Variants in MIA2 observed in about 807,000 individuals in gnomAD.
The protein encoded by MIA2 is melanoma inhibitory activity protein 2.
Under a neutral mutation model 167.8 loss-of-function variants are expected in MIA2, and 127 were observed. The observed-to-expected ratio is 0.76, with a 90% CI of 0.66 to 0.88. MIA2 has a LOEUF of 0.88. Ranked by LOEUF, MIA2 falls within the 40% of genes least tolerant of loss-of-function variation. The pLI, the probability that MIA2 is intolerant of heterozygous loss-of-function variation, is 0.00. For synonymous variants in MIA2, 552 were observed against 541.9 expected, an observed-to-expected ratio of 1.02 and a Z score of -0.26; for missense variants, 1,690 against 1,624.7, an observed-to-expected ratio of 1.04 and a Z score of -0.69.
At chr14:39,253,847 AG>A (rs778760850) in intron 6 of MIA2, among the ~76,000 whole-genome samples, 10 of 152,180 alleles carry the variant, frequency 6.6e-5, no homozygotes, top group Non-Finnish European at 1.5e-4. Flanking sequence ...CAAAAGGACT[AG>A]CTGTAGTACT....
chr14:39,357,849 ATTCTT>A (rs1360059944), intron 23 of MIA2, among the ~76,000 whole-genome samples: 2 of 148,186 alleles, frequency 1.3e-5, no homozygotes, highest in African/African-American at 5.1e-5. Flanking sequence ...TGGGTTGAAA[ATTCTT>A]TTCTTTAAGA....
At chr14:39,300,011 G>T (rs763364367) in intron 14 of MIA2, 25 bp downstream of exon 14, 3 of 1,572,860 alleles carry the variant, frequency 1.9e-6, no homozygotes, top group Non-Finnish European at 2.6e-6. Context: ...TGGTTTTAGT[G>T]ATCAAGTTGG....
intron 18 of MIA2, among the ~76,000 whole-genome samples, chr14:39,310,378 A>G (rs1008512553): frequency 2.6e-5 from 4 of 152,178 alleles, no homozygotes; most frequent in African/African-American, 9.7e-5. Flanking sequence ...GAATGCTGTG[A>G]TATGTGTTAT....
chr14:39,269,084 T>TTTTTTC, intron 6 of MIA2: 1 of 949,894 alleles, frequency 1.1e-6, no homozygotes, highest in Non-Finnish European at 1.2e-6. Flanking sequence ...GTTTTTTTTT[T>TTTTTTC]TTTTTTTTTT....
At chr14:39,253,516 C>T (rs1226150124) in intron 6 of MIA2, 2 of 298,380 alleles carry the variant, frequency 6.7e-6, no homozygotes, top group Non-Finnish European at 1.2e-5. Context: ...CCTGGAGTTC[C>T]CACTACTTAG....
intron 6 of MIA2, among the ~76,000 whole-genome samples, chr14:39,271,815 A>T (rs1466545694): frequency 6.6e-6 from 1 of 151,874 alleles, no homozygotes; most frequent in Non-Finnish European, 1.5e-5. Flanking sequence ...CACAACCAAG[A>T]AGAATTAGGC....
At chr14:39,245,081 C>CATTTTTTTTTTTT (rs761421469) in intron 3 of MIA2, among the ~76,000 whole-genome samples, 3 of 119,718 alleles carry the variant, frequency 2.5e-5, no homozygotes, top group Admixed American at 8.8e-5. Context: ...CCTAGCTAAC[C>CATTTTTTTTTTTT]TTTTTTTTTT....
At chr14:39,349,700 A>C (rs1260799653) in intron 28 of MIA2, among the ~76,000 whole-genome samples, 1 of 152,216 alleles carries the variant, frequency 6.6e-6, no homozygotes, top group Non-Finnish European at 1.5e-5. Flanking sequence ...GAAATGTTTT[A>C]GTATAATATC....
In MIA2 at chr14:39,288,468, T is replaced by G. The variant is rs2060208137; in HGVS notation, c.2131-2551T>G. ...ATATATATATATATATATATATATA[T>G]ATATATATTTTTTTTTTTTTTTTTG... is the stretch of plus-strand genomic sequence containing the variant. On this transcript the variant is annotated intron_variant, in intron 9 of 28. Transcript: ENST00000640607. 4.3e-4 allele frequency among the ~76,000 whole-genome samples: 19 copies of G among 44,172 alleles called. 2 individuals carry two copies. Among genetic ancestry groups the G allele is most frequent in the East Asian group, 3.6e-3 (5 of 1,386 alleles). The allele number at this position is 44,172 out of a possible 152,430, so 29.0% of individuals were successfully genotyped here.
chr14:39,317,014 A>G (rs918335086), intron 21 of MIA2, among the ~76,000 whole-genome samples: 1 of 152,176 alleles, frequency 6.6e-6, no homozygotes, highest in Non-Finnish European at 1.5e-5. Context: ...AAGTCTTCTA[A>G]GGTAGATAAA....
chr14:39,348,852 C>G lies in MIA2; in HGVS notation c.3947C>G (p.Ala1316Gly), dbSNP rs2153081525. 6.2e-7 allele frequency: 1 copy of G among 1,614,080 alleles called. No individual in the cohort carries two copies. The highest frequency in any genetic ancestry group is 1.7e-4 in the Middle Eastern group (1 of 6,060). Residue 1316 changes from alanine (A) to glycine (G), a missense_variant, in exon 28 of 29, where the codon GCA becomes GGA. By Grantham distance (60) the Ala-to-Gly change is moderately conservative. Transcript: ENST00000640607. ...AGAGGTCCATTGTTTCCAGTGGATG[C>G]AAGAGGCCCATTCTTGAGAAGAGGA... ...PIRGPLFPVD[A>G]RGPFLRRGPP... is the part of the protein sequence containing the mutation.
rs748564629 is a variant in MIA2, at chr14:39,276,909, G to T, written c.1888-25G>T. ...ATTTTTACCAAAAGTACATTTTTAA[G>T]AACTTACTTTTCTTTATCTTGAAGG... On this transcript the variant is annotated intron_variant, in intron 6 of 28. Transcript: ENST00000640607. 4.4e-6 allele frequency: 7 copies of T among 1,603,904 alleles called. No individual in the cohort carries two copies. The South Asian group carries it at 7.9e-5, about 18-fold the overall frequency.
intron 23 of MIA2, among the ~76,000 whole-genome samples, chr14:39,362,525 G>T (rs960172536): frequency 1.3e-5 from 2 of 152,008 alleles, no homozygotes; most frequent in African/African-American, 4.8e-5. Flanking sequence ...GCTATCAGTT[G>T]TAATTTCTCC....
At chr14:39,336,938 T>C (rs1323275545) in intron 25 of MIA2, among the ~76,000 whole-genome samples, 1 of 152,138 alleles carries the variant, frequency 6.6e-6, no homozygotes, top group Non-Finnish European at 1.5e-5. Context: ...AAATTGTTTT[T>C]GGAGACAGGT....
chr14:39,338,888 T>C (rs1466233117), intron 25 of MIA2, among the ~76,000 whole-genome samples: 2 of 152,192 alleles, frequency 1.3e-5, no homozygotes, highest in Non-Finnish European at 2.9e-5. Flanking sequence ...TTGGCTTGTT[T>C]TGTCTTCACT....
At chr14:39,278,095 T>C (rs2058435139) in intron 7 of MIA2, among the ~76,000 whole-genome samples, 1 of 152,050 alleles carries the variant, frequency 6.6e-6, no homozygotes, top group Admixed American at 6.6e-5. Flanking sequence ...TGCCTCAGCC[T>C]CCTGAGTAGC....
At chr14:39,311,196 C>G (rs2064175072) in intron 18 of MIA2, among the ~76,000 whole-genome samples, 1 of 151,978 alleles carries the variant, frequency 6.6e-6, no homozygotes, top group African/African-American at 2.4e-5. Context: ...ATTTTAAATT[C>G]CTAAAATATT....
chr14:39,343,765 A>G (rs778186472), intron 25 of MIA2, among the ~76,000 whole-genome samples: 4 of 152,108 alleles, frequency 2.6e-5, no homozygotes, highest in Non-Finnish European at 5.9e-5. Context: ...TGCTTTCCAC[A>G]TAGCTGTATC....
chr14:39,314,758 G>A lies in MIA2; in HGVS notation c.3139G>A (p.Glu1047Lys). The change falls in exon 20 of 29, where the codon GAA becomes AAA. Residue 1047 changes from glutamate (E) to lysine (K), a missense_variant. Glu to Lys is a moderately conservative substitution (Grantham distance 56, BLOSUM62 1). Coordinates refer to ENST00000640607, the MANE Select transcript of MIA2 (RefSeq NM_001329214.4). Reference sequence around the variant, plus strand: ...ATTTAGAAAGCGAGCCAAAGATCTTGAAGAAGAATTGGAGAGAACTATTCA... The same window carrying A: ...ATTTAGAAAGCGAGCCAAAGATCTTAAAGAAGAATTGGAGAGAACTATTCA... ...ETYRKRAKDL[E>K]EELERTIHSY... The A allele has an allele frequency of 6.2e-7, 1 of 1,608,354 alleles. No homozygotes were observed. Among genetic ancestry groups the A allele is most frequent in the Admixed American group, 1.7e-5 (1 of 59,602 alleles).
Sources: allele counts gnomAD v4.1 joint callset (sites outside exome capture counted in the v4.1 genomes callset), GRCh38; gene constraint gnomAD v4.1.1; transcripts MANE v1.5; gene names NCBI Gene and HGNC (gene_info 2026-07-23, HGNC 2026-07-21).